VPS13A: variants seen among roughly 807,000 people sequenced by gnomAD.
The protein encoded by VPS13A is vacuolar protein sorting 13 homolog A, also known as intermembrane lipid transfer protein VPS13A.
Under a neutral mutation model 390.9 loss-of-function variants are expected in VPS13A, and 264 were observed. The ratio of observed to expected loss-of-function variants is 0.68; its 90% CI spans 0.61 to 0.75. VPS13A has a LOEUF of 0.75. VPS13A is among the 30% of genes least tolerant of loss of function. VPS13A has a pLI of 0.00. For synonymous variants in VPS13A, 1,231 were observed against 1,227.1 expected, an observed-to-expected ratio of 1.00 and a Z score of -0.07; for missense variants, 3,409 against 3,733.9, an observed-to-expected ratio of 0.91 and a Z score of 2.27.
chr9:77,393,316 G>A (rs770811401), intron 68 of VPS13A, among the ~76,000 whole-genome samples: 2 of 152,058 alleles, frequency 1.3e-5, no homozygotes, highest in East Asian at 1.9e-4. Context: ...TACTTCCTCC[G>A]CTGAAGTCTT....
intron 31 of VPS13A, among the ~76,000 whole-genome samples, chr9:77,291,892 T>C (rs1449241657): frequency 1.3e-5 from 2 of 152,192 alleles, no homozygotes; most frequent in African/African-American, 4.8e-5. Context: ...ATTTCCTATG[T>C]GGGATTGACT....
In VPS13A at chr9:77,420,577, TATACAA is replaced by T. The variant is rs746008062; in HGVS notation, c.*4580_*4585del. On this transcript the variant is annotated 3_prime_UTR_variant, in exon 72 of 72. Transcript: ENST00000360280. ...TATATTTTTAAAGTTTTTATTACTT[TATACAA>T]ATACAAATTAATTTATATTATAGTT... 9.9e-5 allele frequency: 15 copies of T among 152,214 alleles called. No individual in the cohort carries two copies. The highest frequency in any genetic ancestry group is 1.0e-4 in the Non-Finnish European group (7 of 68,040). The allele number at this position is 152,214 out of a possible 1,614,324, so 9.4% of individuals were successfully genotyped here.
chr9:77,338,082 C>G (rs1167346618), intron 47 of VPS13A: 1 of 152,420 alleles, frequency 6.6e-6, no homozygotes, highest in Non-Finnish European at 1.5e-5. Context: ...CTCAAGTGAT[C>G]CTTCCACCTC....
At chr9:77,256,575 CAGTG>C (rs1294382319) in intron 22 of VPS13A, among the ~76,000 whole-genome samples, 4 of 152,112 alleles carry the variant, frequency 2.6e-5, no homozygotes, top group African/African-American at 9.7e-5. Context: ...TCAGTATTGA[CAGTG>C]AGATATTGAA....
At position 77,318,534 on chromosome 9, in the gene VPS13A, A is replaced by C; in HGVS notation, c.5256A>C (p.Ser1752=). The C allele has an allele frequency of 6.2e-7, 1 of 1,613,886 alleles. No homozygotes were observed. Among genetic ancestry groups the C allele is most frequent in the Non-Finnish European group, 8.5e-7 (1 of 1,179,878 alleles). Residue 1752 remains serine, a synonymous_variant, in exon 41 of 72, where the codon TCA becomes TCC. Transcript: ENST00000360280. The stretch of plus-strand genomic sequence containing the variant: ...TGCTTCTGGCAAAGTCACGTTTTTC[A>C]GGGGAAGGCAAAAACTGGAGTTCCC... The part of the protein sequence containing the change: ...VPMLLAKSRF[S]GEGKNWSSLI...
intron 2 of VPS13A, 38 bp downstream of exon 2, chr9:77,200,026 A>C (rs570109947): frequency 6.7e-7 from 1 of 1,496,638 alleles, no homozygotes; most frequent in South Asian, 1.2e-5. Context: ...AAGTTATTGC[A>C]TTTAATTATG....
intron 67 of VPS13A, among the ~76,000 whole-genome samples, chr9:77,380,344 G>A (rs774204562): frequency 3.3e-5 from 5 of 151,596 alleles, no homozygotes; most frequent in East Asian, 3.9e-4. Context: ...ATGGAGTCTC[G>A]CTGTGTCGCC....
At chr9:77,270,884 A>G (rs1014003878) in intron 23 of VPS13A, among the ~76,000 whole-genome samples, 7 of 152,180 alleles carry the variant, frequency 4.6e-5, no homozygotes, top group African/African-American at 1.4e-4. Context: ...ATAGACCTAA[A>G]TATAAAGTCC....
intron 46 of VPS13A, among the ~76,000 whole-genome samples, chr9:77,334,139 A>G (rs1378323254): frequency 6.6e-6 from 1 of 152,228 alleles, no homozygotes; most frequent in African/African-American, 2.4e-5. Context: ...GAAGGCATGC[A>G]TGAACAAAGA....
At chr9:77,289,308 G>A (rs1270620629) in intron 31 of VPS13A, among the ~76,000 whole-genome samples, 1 of 151,990 alleles carries the variant, frequency 6.6e-6, no homozygotes, top group Non-Finnish European at 1.5e-5. Flanking sequence ...CTTTTAATTT[G>A]TGTTTAGACT....
intron 41 of VPS13A, 82 bp downstream of exon 41, chr9:77,318,673 T>G (rs569621423): frequency 7.9e-7 from 1 of 1,263,228 alleles, no homozygotes; most frequent in Non-Finnish European, 1.2e-6. Context: ...TGGAATATTA[T>G]GGAATCTTGT....
intron 56 of VPS13A, 119 bp downstream of exon 56, chr9:77,357,957 T>C: frequency 1.1e-6 from 1 of 887,498 alleles, no homozygotes; most frequent in Non-Finnish European, 1.6e-6. Flanking sequence ...CTAGCCTTTT[T>C]TTTTTTTTTT....
chr9:77,371,298 T>C (rs1262178237), intron 67 of VPS13A, 149 bp downstream of exon 67: 2 of 1,225,848 alleles, frequency 1.6e-6, no homozygotes, highest in Non-Finnish European at 2.3e-6. Context: ...GGGTAATTTA[T>C]AATGAACAGA....
intron 19 of VPS13A, among the ~76,000 whole-genome samples, chr9:77,242,973 A>C (rs1030063294): frequency 1.3e-5 from 2 of 152,006 alleles, no homozygotes; most frequent in African/African-American, 4.8e-5. Context: ...AAAAAATGGA[A>C]AGCTTCTATG....
At chr9:77,380,344 G>T (rs774204562) in intron 67 of VPS13A, among the ~76,000 whole-genome samples, 4 of 151,476 alleles carry the variant, frequency 2.6e-5, no homozygotes. Context: ...ATGGAGTCTC[G>T]CTGTGTCGCC....
chr9:77,375,962 C>T (rs1169908619), intron 67 of VPS13A, among the ~76,000 whole-genome samples: 1 of 151,936 alleles, frequency 6.6e-6, no homozygotes, highest in Admixed American at 6.6e-5. Context: ...TGAAAAATGC[C>T]ATGAAGAAAA....
intron 68 of VPS13A, among the ~76,000 whole-genome samples, chr9:77,395,128 T>C (rs4744832): frequency 0.63 from 96,476 of 152,098 alleles, 32,697 homozygotes; most frequent in African/African-American, 0.89. Context: ...TACCTTTCAG[T>C]CTAACTCAGC....
intron 31 of VPS13A, among the ~76,000 whole-genome samples, chr9:77,288,124 T>C (rs1332791617): frequency 6.6e-5 from 10 of 152,178 alleles, no homozygotes; most frequent in Non-Finnish European, 1.5e-4. Flanking sequence ...ATAAATGGAA[T>C]CATGCAGTTA....
chr9:77,398,294 G>C (rs1453577162), intron 68 of VPS13A, among the ~76,000 whole-genome samples: 2 of 152,150 alleles, frequency 1.3e-5, no homozygotes, highest in Non-Finnish European at 2.9e-5. Flanking sequence ...GATATGTTTG[G>C]TATAGTGAAA....
Sources: allele counts gnomAD v4.1 joint callset (sites outside exome capture counted in the v4.1 genomes callset), GRCh38; gene constraint gnomAD v4.1.1; transcripts MANE v1.5; gene names NCBI Gene and HGNC (gene_info 2026-07-23, HGNC 2026-07-21).